Variants in PDSS2 observed in about 807,000 individuals in gnomAD.
The protein encoded by PDSS2 is decaprenyl diphosphate synthase subunit 2.
In PDSS2, 31 loss-of-function variants were observed where a neutral mutation model predicts 44.5. The ratio of observed to expected loss-of-function variants is 0.70; its 90% CI spans 0.52 to 0.94. The LOEUF (loss-of-function observed/expected upper bound fraction) is 0.94. Ranked by LOEUF, PDSS2 falls within the 40% of genes least tolerant of loss-of-function variation. PDSS2 has a pLI of 0.00. For missense variants in PDSS2, 452 were observed against 482.2 expected (o/e 0.94, Z 0.59); for synonymous variants, 157 against 180.3 (o/e 0.87, Z 1.03).
intron 1 of PDSS2, among the ~76,000 whole-genome samples, chr6:107,337,922 G>C (rs1777957040): frequency 6.6e-6 from 1 of 152,142 alleles, no homozygotes; most frequent in South Asian, 2.1e-4. Flanking sequence ...AATGAACTGG[G>C]TGACAAAAAT....
chr6:107,320,080 G>A (rs1038917180), intron 2 of PDSS2, among the ~76,000 whole-genome samples: 3 of 152,114 alleles, frequency 2.0e-5, no homozygotes, highest in Non-Finnish European at 4.4e-5. Flanking sequence ...GAACACAGTC[G>A]TTTGCATGGC....
intron 1 of PDSS2, among the ~76,000 whole-genome samples, chr6:107,349,770 AC>A (rs1778376747): frequency 3.3e-5 from 5 of 151,968 alleles, no homozygotes; most frequent in Admixed American, 3.3e-4. Flanking sequence ...AAACAAACAA[AC>A]AAACAAAAGA....
intron 2 of PDSS2, among the ~76,000 whole-genome samples, chr6:107,325,019 C>T (rs1430134693): frequency 6.6e-6 from 1 of 151,998 alleles, no homozygotes; most frequent in Non-Finnish European, 1.5e-5. Context: ...GCAGCTGAGA[C>T]CAAGTGCAAT....
intron 7 of PDSS2, among the ~76,000 whole-genome samples, chr6:107,184,257 T>A (rs905978103): frequency 1.3e-5 from 2 of 152,112 alleles, no homozygotes; most frequent in Admixed American, 6.6e-5. Flanking sequence ...GGGAAGGAAC[T>A]AGCAGCAAAA....
chr6:107,305,520 T>A (rs961128035), intron 2 of PDSS2, among the ~76,000 whole-genome samples: 1 of 152,222 alleles, frequency 6.6e-6, no homozygotes, highest in African/African-American at 2.4e-5. Context: ...AGTTATTTCA[T>A]CCTCCAAAGC....
intron 1 of PDSS2, among the ~76,000 whole-genome samples, chr6:107,369,712 A>C (rs932230643): frequency 1.3e-5 from 2 of 152,132 alleles, no homozygotes; most frequent in Non-Finnish European, 2.9e-5. Flanking sequence ...GTGAAAATAA[A>C]AAATCATCTC....
At chr6:107,434,131 A>G (rs1781275513) in intron 1 of PDSS2, among the ~76,000 whole-genome samples, 2 of 152,250 alleles carry the variant, frequency 1.3e-5, no homozygotes, top group Admixed American at 1.3e-4. Flanking sequence ...TATAGTGAAA[A>G]GAGGACTCTC....
chr6:107,440,725 A>G (rs1406001889), intron 1 of PDSS2, among the ~76,000 whole-genome samples: 1 of 152,252 alleles, frequency 6.6e-6, no homozygotes, highest in Non-Finnish European at 1.5e-5. Flanking sequence ...AGAGGCTTAA[A>G]TAGAGGGATA....
At chr6:107,445,189 T>TAC (rs1491430735) in intron 1 of PDSS2, among the ~76,000 whole-genome samples, 2 of 149,572 alleles carry the variant, frequency 1.3e-5, no homozygotes, top group East Asian at 3.9e-4. Flanking sequence ...TTACATATTT[T>TAC]ATATATATAT....
At chr6:107,207,515 GA>G (rs950301064) in intron 6 of PDSS2, among the ~76,000 whole-genome samples, 4 of 152,002 alleles carry the variant, frequency 2.6e-5, no homozygotes, top group Non-Finnish European at 5.9e-5. Flanking sequence ...TTCTGACTAG[GA>G]GGCATTCACA....
At chr6:107,326,299 G>A (rs984311085) in intron 2 of PDSS2, among the ~76,000 whole-genome samples, 2 of 151,208 alleles carry the variant, frequency 1.3e-5, no homozygotes, top group African/African-American at 2.4e-5. Flanking sequence ...TAGTAGAGAC[G>A]GGATTTTGCC....
At chr6:107,206,994 T>C (rs1038179443) in intron 6 of PDSS2, among the ~76,000 whole-genome samples, 59 of 144,136 alleles carry the variant, frequency 4.1e-4, no homozygotes, top group African/African-American at 1.2e-3. Context: ...TTTGCTATTA[T>C]TGTTTTTTTT....
At chr6:107,225,137 T>TATATATATATATATATTTTTATATATA (rs1446558243) in intron 4 of PDSS2, among the ~76,000 whole-genome samples, 1 of 62,396 alleles carries the variant, frequency 1.6e-5, no homozygotes, top group Non-Finnish European at 2.6e-5. Context: ...ATATATATTT[T>TATATATATATATATATTTTTATATATA]TATATATATA....
Position 107,204,768 on chromosome 6 carries a change from G to T in PDSS2, c.1008+5671C>A, listed in dbSNP as rs569660709. On this transcript the variant is annotated intron_variant, in intron 6 of 7. Transcript: ENST00000369037. ...TGGCATGAATCACAGTATTCCTTAT[G>T]TTTCTATATTTATGTATTTATCTTA... is the stretch of plus-strand genomic sequence containing the variant. Among the ~76,000 whole-genome samples, 31 of 152,110 alleles carry T rather than the reference G, an allele frequency of 2.0e-4. 1 individual carries two copies. The highest frequency in any genetic ancestry group is 4.3e-4 in the Non-Finnish European group (29 of 68,022).
At position 107,343,474 on chromosome 6, in the gene PDSS2, T is replaced by C. The variant is rs144280658; in HGVS notation, c.297-9142A>G. ...GTGTTTTAAGTTACAGTATATGATG[T>C]ATTAGTTAAAAGAACTGAAAACATA... On this transcript the variant is annotated intron_variant, in intron 1 of 7. Coordinates refer to ENST00000369037, the MANE Select transcript of PDSS2 (RefSeq NM_020381.4). Among the ~76,000 whole-genome samples the C allele has an allele frequency of 6.8e-3, 1,038 of 152,312 alleles. 9 individuals carry two copies. The highest frequency in any genetic ancestry group is 0.01 in the Non-Finnish European group (701 of 68,030).
intron 2 of PDSS2, among the ~76,000 whole-genome samples, chr6:107,303,595 A>G (rs939328079): frequency 1.8e-4 from 27 of 152,240 alleles, no homozygotes; most frequent in Non-Finnish European, 3.7e-4. Context: ...TGGTACTACA[A>G]CTTGCTTTAT....
At chr6:107,442,904 T>C (rs770681237) in intron 1 of PDSS2, among the ~76,000 whole-genome samples, 10 of 152,264 alleles carry the variant, frequency 6.6e-5, no homozygotes, top group African/African-American at 2.4e-4. Context: ...CAATTTTCAA[T>C]GTTTAAATCA....
chr6:107,363,766 G>T (rs995286614), intron 1 of PDSS2, among the ~76,000 whole-genome samples: 7 of 152,188 alleles, frequency 4.6e-5, no homozygotes, highest in African/African-American at 1.7e-4. Flanking sequence ...TTTTGTCAGG[G>T]CGCTGATTGG....
chr6:107,312,332 G>A (rs187461442), intron 2 of PDSS2, among the ~76,000 whole-genome samples: 2 of 152,254 alleles, frequency 1.3e-5, no homozygotes, highest in Admixed American at 1.3e-4. Flanking sequence ...GGTGGACCAG[G>A]CCTCTCTAGA....
Sources: gnomAD v4.1 joint callset for allele counts (sites outside exome capture counted in the v4.1 genomes callset) on GRCh38, gnomAD v4.1.1 for gene constraint, MANE v1.5 for transcripts, NCBI Gene and HGNC (gene_info 2026-07-23, HGNC 2026-07-21) for gene names.